The following LRGUK variants were observed in gnomAD, a reference collection of about 807,000 sequenced individuals.
LRGUK encodes the protein leucine rich repeats and guanylate kinase domain containing, also known as leucine-rich repeat and guanylate kinase domain-containing protein.
In LRGUK, 65 loss-of-function variants were observed where a neutral mutation model predicts 76.0. That is an observed-to-expected ratio of 0.85 (90% CI 0.70 to 1.05). The LOEUF (loss-of-function observed/expected upper bound fraction) is 1.05, where lower values mean the gene tolerates loss of function less well. Among genes scored for constraint, LRGUK ranks in the 50% least tolerant of loss-of-function variants. The pLI, the probability that LRGUK is intolerant of heterozygous loss-of-function variation, is 0.00. For missense variants in LRGUK, 758 were observed against 732.8 expected, an observed-to-expected ratio of 1.03 and a Z score of -0.40; for synonymous variants, 268 against 265.6, an observed-to-expected ratio of 1.01 and a Z score of -0.09.
At chr7:134,221,942 A>T (rs747207645) in intron 16 of LRGUK, 24 bp downstream of exon 16, 1 of 1,568,874 alleles carries the variant, frequency 6.4e-7, no homozygotes, top group South Asian at 1.2e-5. Flanking sequence ...AGAAGGGGTG[A>T]AGCCACAACT....
rs1225434180 is a variant in LRGUK, at chr7:134,256,790, G to A, written c.2199-1467G>A. Reference sequence around the variant, plus strand: ...TAATATATCATCTTATAGCATTTGTGTTTTCCTTCATATCTCAGTTTTTGT... The same window carrying A: ...TAATATATCATCTTATAGCATTTGTATTTTCCTTCATATCTCAGTTTTTGT... On this transcript the variant is annotated intron_variant, in intron 18 of 19. Transcript: ENST00000285928. Among the ~76,000 whole-genome samples the A allele has an allele frequency of 3.3e-5, 5 of 152,166 alleles. No homozygotes were observed. In the East Asian group the frequency reaches 9.6e-4, roughly 29 times the overall value.
intron 18 of LRGUK, among the ~76,000 whole-genome samples, chr7:134,251,031 C>T (rs1365503913): frequency 2.0e-5 from 3 of 152,108 alleles, no homozygotes; most frequent in East Asian, 1.9e-4. Flanking sequence ...CTCTGTGATG[C>T]CTTTTTTGAT....
At chr7:134,182,525 A>G (rs892481087) in intron 10 of LRGUK, among the ~76,000 whole-genome samples, 4 of 152,162 alleles carry the variant, frequency 2.6e-5, no homozygotes, top group East Asian at 3.9e-4. Flanking sequence ...TGTGTTTCCC[A>G]TAGGCTTTTG....
chr7:134,192,433 G>T (rs573358874), intron 12 of LRGUK, among the ~76,000 whole-genome samples: 29 of 152,246 alleles, frequency 1.9e-4, no homozygotes, highest in African/African-American at 7.0e-4. Context: ...TATTTCACAG[G>T]CACTCAGAAC....
intron 16 of LRGUK, among the ~76,000 whole-genome samples, chr7:134,224,186 A>T (rs1345647985): frequency 1.3e-5 from 2 of 152,138 alleles, no homozygotes; most frequent in African/African-American, 4.8e-5. Context: ...GGGACATGGA[A>T]ATCCAGAGTG....
chr7:134,150,627 T>C (rs1798179590), intron 5 of LRGUK, among the ~76,000 whole-genome samples: 1 of 152,236 alleles, frequency 6.6e-6, no homozygotes, highest in Non-Finnish European at 1.5e-5. Flanking sequence ...TATGGAGATC[T>C]CTTGTCCCCC....
At chr7:134,136,046 G>A (rs1797526045) in intron 1 of LRGUK, among the ~76,000 whole-genome samples, 1 of 152,142 alleles carries the variant, frequency 6.6e-6, no homozygotes, top group Non-Finnish European at 1.5e-5. Flanking sequence ...TTCATATAGA[G>A]GACTTAGAAA....
intron 18 of LRGUK, among the ~76,000 whole-genome samples, chr7:134,255,561 T>C (rs1802558900): frequency 6.6e-6 from 1 of 152,230 alleles, no homozygotes; most frequent in Non-Finnish European, 1.5e-5. Flanking sequence ...TGTCTGACTT[T>C]CATTATTTTC....
chr7:134,246,525 G>A (rs188235474), intron 16 of LRGUK, among the ~76,000 whole-genome samples: 135 of 152,366 alleles, frequency 8.9e-4, no homozygotes, highest in African/African-American at 3.0e-3. Flanking sequence ...GGCTAAGACA[G>A]GTGATTAATC....
chr7:134,170,301 A>G lies in LRGUK; in HGVS notation c.940-4255A>G, dbSNP rs1221947787. Among the ~76,000 whole-genome samples the G allele has an allele frequency of 3.3e-5, 5 of 152,014 alleles. No individual in the cohort carries two copies. The South Asian group carries it at 1.0e-3, about 32-fold the overall frequency. On this transcript the variant is annotated intron_variant, in intron 7 of 15. Transcript: ENST00000645682. ...CTTTGTGTCTCCCTTTATTATTTTT[A>G]AAATTTTTATGAAGTCTTTCTCTGT...
At chr7:134,207,873 G>A (rs7808661) in intron 15 of LRGUK, among the ~76,000 whole-genome samples, 26,675 of 152,152 alleles carry the variant, frequency 0.18, 3,284 homozygotes, top group East Asian at 0.53. Context: ...CCCAGAATCC[G>A]TCTAGTGAAC....
chr7:134,137,607 G>A (rs200983788), intron 2 of LRGUK, among the ~76,000 whole-genome samples: 1 of 151,682 alleles, frequency 6.6e-6, no homozygotes. Context: ...TATCATTAAA[G>A]AAAAAAAAAA....
In LRGUK at chr7:134,197,726, T is replaced by C. The variant is rs536758896; in HGVS notation, c.1545+621T>C. Among the ~76,000 whole-genome samples, 9 of 152,184 alleles carry C rather than the reference T, an allele frequency of 5.9e-5. No individual in the cohort carries two copies. In the East Asian group the frequency reaches 1.4e-3, roughly 23 times the overall value. On this transcript the variant is annotated intron_variant, in intron 13 of 15. Transcript: ENST00000645682. ...TTCTCTCTACCCTGATACCCTGTCTTCCCCCAACAATGATCTATAATTAGA... is the reference window on the plus strand; with the variant it reads ...TTCTCTCTACCCTGATACCCTGTCTCCCCCCAACAATGATCTATAATTAGA...
chr7:134,226,757 T>C (rs996602802), intron 16 of LRGUK, among the ~76,000 whole-genome samples: 2 of 152,232 alleles, frequency 1.3e-5, no homozygotes, highest in Non-Finnish European at 2.9e-5. Flanking sequence ...TCTTACAATG[T>C]CATTGTGTCA....
Position 134,131,458 on chromosome 7 carries a change from A to G in LRGUK, c.297+3794A>G, listed in dbSNP as rs1797303256. ...CAGCTGACAGCTGGATTGCAGGGAC[A>G]TGGAAGACTTCAGGGGAAGGAGACT... On this transcript the variant is annotated intron_variant, in intron 1 of 15. Transcript: ENST00000645682. Among the ~76,000 whole-genome samples the G allele has an allele frequency of 2.0e-5, 3 of 152,358 alleles. No homozygotes were observed. In the South Asian group the frequency reaches 6.2e-4, roughly 32 times the overall value.
intron 3 of LRGUK, among the ~76,000 whole-genome samples, chr7:134,141,035 G>C (rs1797743962): frequency 6.6e-6 from 1 of 152,158 alleles, no homozygotes; most frequent in Non-Finnish European, 1.5e-5. Context: ...TGCTGGGTAG[G>C]AAATCGCGGA....
At chr7:134,142,512 C>T (rs1227570786) in intron 3 of LRGUK, among the ~76,000 whole-genome samples, 3 of 152,090 alleles carry the variant, frequency 2.0e-5, no homozygotes, top group African/African-American at 7.2e-5. Flanking sequence ...AATCTGGAGT[C>T]AAAAATCAAA....
At chr7:134,271,649 T>A in the LRGUK span, among the ~76,000 whole-genome samples, 1 of 152,018 alleles carries the variant, frequency 6.6e-6, no homozygotes. Context: ...ATTCAAAAAT[T>A]TGAGGAGGTT....
rs564638850 is a variant in LRGUK at position 134,223,432 on chromosome 7, G to C, written c.1983+1514G>C. On this transcript the variant is annotated intron_variant, in intron 16 of 19. Transcript: ENST00000285928. ...GGCTGCGGCTTCTCAGAGGCAGCAG[G>C]GGGTAGGTGGGTGCCCACTAAACAT... Among the ~76,000 whole-genome samples the C allele has an allele frequency of 6.6e-5, 10 of 152,338 alleles. No individual in the cohort carries two copies. The South Asian group carries it at 2.1e-3, about 32-fold the overall frequency.
Sources: allele counts gnomAD v4.1 joint callset (sites outside exome capture counted in the v4.1 genomes callset), GRCh38; gene constraint gnomAD v4.1.1; transcripts MANE v1.5; gene names NCBI Gene and HGNC (gene_info 2026-07-23, HGNC 2026-07-21).